RASSF3: variants seen among roughly 807,000 people sequenced by gnomAD.
RASSF3 encodes the protein ras association domain-containing protein 3.
A neutral mutation model predicts 19.9 loss-of-function variants in RASSF3; 19 were observed. The observed-to-expected ratio is 0.96, with a 90% CI of 0.67 to 1.40. The LOEUF (loss-of-function observed/expected upper bound fraction) is 1.40, where lower values mean the gene tolerates loss of function less well. Among genes scored for constraint, RASSF3 ranks in the 40% most tolerant of loss-of-function variants. The probability of loss-of-function intolerance (pLI) is 0.00; values close to 1 mark genes in which losing one functional copy is unlikely to be tolerated. For synonymous variants in RASSF3, 110 were observed against 104.2 expected, an observed-to-expected ratio of 1.06 and a Z score of -0.34; for missense variants, 306 against 289.8, an observed-to-expected ratio of 1.06 and a Z score of -0.41.
chr12:64,612,409 T>C (rs181021677), intron 1 of RASSF3, among the ~76,000 whole-genome samples: 42 of 152,186 alleles, frequency 2.8e-4, no homozygotes, highest in African/African-American at 9.9e-4. Context: ...TTGAATTGTA[T>C]GAGAATCCTT....
chr12:64,570,515 G>A (rs976300144), intron 2 of RASSF3, among the ~76,000 whole-genome samples: 4 of 152,204 alleles, frequency 2.6e-5, no homozygotes, highest in African/African-American at 9.6e-5. Flanking sequence ...GGCTGCCTCT[G>A]AAATGTGTTT....
chr12:64,591,045 A>G (rs959112622), intron 2 of RASSF3, among the ~76,000 whole-genome samples: 1 of 152,180 alleles, frequency 6.6e-6, no homozygotes, highest in Non-Finnish European at 1.5e-5. Flanking sequence ...AGCTTTGAAG[A>G]TGAAAGGATG....
At chr12:64,518,631 TA>T (rs1468659797) in intron 1 of RASSF3, among the ~76,000 whole-genome samples, 28 of 152,358 alleles carry the variant, frequency 1.8e-4, no homozygotes. Flanking sequence ...ATTACCATCA[TA>T]AAGGATCTTG....
chr12:64,614,846 C>T (rs759741415), intron 1 of RASSF3, among the ~76,000 whole-genome samples: 1 of 151,560 alleles, frequency 6.6e-6, no homozygotes, highest in Non-Finnish European at 1.5e-5. Flanking sequence ...TACAGGCACC[C>T]GCTGCCAGGC....
chr12:64,553,972 GTC>G (rs1270487140), intron 2 of RASSF3, among the ~76,000 whole-genome samples: 40 of 120,678 alleles, frequency 3.3e-4, no homozygotes, highest in African/African-American at 1.5e-3. Flanking sequence ...GTGAGATCCT[GTC>G]TCAAAAAAAA....
chr12:64,588,331 A>G (rs1218775540), intron 2 of RASSF3, among the ~76,000 whole-genome samples: 3 of 152,190 alleles, frequency 2.0e-5, no homozygotes, highest in Non-Finnish European at 4.4e-5. Flanking sequence ...GGGCTATACA[A>G]AAACACTATT....
At chr12:64,670,884 AC>A (rs1451837811) in intron 1 of RASSF3, among the ~76,000 whole-genome samples, 1 of 152,036 alleles carries the variant, frequency 6.6e-6, no homozygotes, top group Non-Finnish European at 1.5e-5. Context: ...AATCGGATAG[AC>A]CCGGGTAGGA....
At chr12:64,641,999 C>G (rs1241628524) in intron 1 of RASSF3, among the ~76,000 whole-genome samples, 1 of 151,992 alleles carries the variant, frequency 6.6e-6, no homozygotes, top group Non-Finnish European at 1.5e-5. Context: ...ATCTTGGCCT[C>G]CCAAAGTGCT....
chr12:64,596,562 A>C (rs1226848760), intron 2 of RASSF3, among the ~76,000 whole-genome samples: 1 of 152,124 alleles, frequency 6.6e-6, no homozygotes, highest in African/African-American at 2.4e-5. Flanking sequence ...AAATGACAGG[A>C]AGTTTCACAA....
chr12:64,523,507 A>T (rs922614261), intron 1 of RASSF3, among the ~76,000 whole-genome samples: 2 of 151,948 alleles, frequency 1.3e-5, no homozygotes, highest in African/African-American at 4.8e-5. Flanking sequence ...CTCCCTCCTG[A>T]CCCCCTCAGG....
intron 2 of RASSF3, 118 bp downstream of exon 2, chr12:64,685,012 G>A (rs1039548312): frequency 1.7e-5 from 11 of 647,336 alleles, no homozygotes; most frequent in African/African-American, 1.6e-4. Context: ...TAGTAGTCAA[G>A]GTATACAGAA....
downstream of RASSF3, among the ~76,000 whole-genome samples, chr12:64,542,333 A>G (rs986973553): frequency 1.3e-5 from 2 of 152,156 alleles, no homozygotes; most frequent in African/African-American, 4.8e-5. Context: ...TCCCACCTCA[A>G]AAAAACAAAA....
chr12:64,638,767 G>A (rs532844967), intron 1 of RASSF3, among the ~76,000 whole-genome samples: 1 of 152,166 alleles, frequency 6.6e-6, no homozygotes, highest in South Asian at 2.1e-4. Context: ...AGGATGTGTG[G>A]TGTCATATTG....
chr12:64,596,873 G>A (rs567913012), intron 2 of RASSF3, among the ~76,000 whole-genome samples: 1 of 152,184 alleles, frequency 6.6e-6, no homozygotes, highest in South Asian at 2.1e-4. Flanking sequence ...GGGATTACAG[G>A]CATGTGCCAC....
At chr12:64,599,999 C>T (rs1320461748) in intron 2 of RASSF3, among the ~76,000 whole-genome samples, 7 of 147,242 alleles carry the variant, frequency 4.8e-5, no homozygotes, top group East Asian at 2.0e-4. Flanking sequence ...GCCACTGCAC[C>T]CCAGCCTGGG....
chr12:64,576,901 G>A (rs1003975786), intron 2 of RASSF3, among the ~76,000 whole-genome samples: 2 of 150,226 alleles, frequency 1.3e-5, no homozygotes, highest in African/African-American at 2.5e-5. Context: ...ACATGGAAGA[G>A]TATGATATTA....
intron 2 of RASSF3, among the ~76,000 whole-genome samples, chr12:64,581,698 A>G (rs1398744716): frequency 6.6e-6 from 1 of 152,184 alleles, no homozygotes; most frequent in East Asian, 1.9e-4. Context: ...GGCAAATTTG[A>G]GGGGTTACAT....
chr12:64,688,784 A>G (rs1167186543), intron 3 of RASSF3, among the ~76,000 whole-genome samples: 18 of 152,186 alleles, frequency 1.2e-4, no homozygotes, highest in Admixed American at 1.2e-3. Context: ...TTAGGACACA[A>G]AAGAGTGCCT....
chr12:64,679,748 A>T (rs1017672424), intron 1 of RASSF3, among the ~76,000 whole-genome samples: 1 of 152,158 alleles, frequency 6.6e-6, no homozygotes, highest in Non-Finnish European at 1.5e-5. Context: ...TTTATGAAAT[A>T]TTTTTTTGTG....
Sources: allele counts gnomAD v4.1 joint callset (sites outside exome capture counted in the v4.1 genomes callset), GRCh38; gene constraint gnomAD v4.1.1; transcripts MANE v1.5; gene names NCBI Gene and HGNC (gene_info 2026-07-23, HGNC 2026-07-21).